KMT2E: variants seen among roughly 807,000 people sequenced by gnomAD.
KMT2E encodes lysine methyltransferase 2E (inactive), also known as histone reader KMT2E.
A neutral mutation model predicts 184.6 loss-of-function variants in KMT2E; 30 were observed. The observed-to-expected ratio is 0.16, with a 90% CI of 0.12 to 0.22. The LOEUF (loss-of-function observed/expected upper bound fraction) is 0.22. Ranked by LOEUF, KMT2E falls within the 10% of genes least tolerant of loss-of-function variation. The pLI is 1.00. For synonymous variants in KMT2E, 815 were observed against 776.5 expected, an observed-to-expected ratio of 1.05 and a Z score of -0.82; for missense variants, 2,023 against 2,237.4, an observed-to-expected ratio of 0.90 and a Z score of 1.93.
intron 13 of KMT2E, among the ~76,000 whole-genome samples, chr7:105,086,850 GTA>G (rs1282250138): frequency 6.9e-6 from 1 of 144,790 alleles, no homozygotes; most frequent in African/African-American, 2.5e-5. Flanking sequence ...AGCATATATA[GTA>G]TATATAATAT....
intron 13 of KMT2E, among the ~76,000 whole-genome samples, chr7:105,085,125 C>A (rs1000839103): frequency 6.7e-6 from 1 of 149,856 alleles, no homozygotes; most frequent in Non-Finnish European, 1.5e-5. Context: ...AAACATGTTT[C>A]CAATATATGT....
chr7:105,014,722 C>T (rs572267571), intron 1 of KMT2E, among the ~76,000 whole-genome samples, 187 bp downstream of exon 1: 2 of 152,176 alleles, frequency 1.3e-5, no homozygotes, highest in East Asian at 3.9e-4. Context: ...CTCCCTGACC[C>T]TAGAAATGGA....
In KMT2E at chr7:105,105,575, C is replaced by G. The variant is rs1177971552; in HGVS notation, c.2333C>G (p.Thr778Ser). The part of the protein sequence containing the change: ...ATQLNSLPGL[T>S]YSPHVYSTPK... Reference sequence around the variant, plus strand: ...CAACTCAATTCTTTACCAGGTCTCACTTACAGCCCCCATGTATACTCCACT... The same window carrying G: ...CAACTCAATTCTTTACCAGGTCTCAGTTACAGCCCCCATGTATACTCCACT... The change falls in exon 18 of 27, where the codon ACT (threonine) becomes AGT (serine). Residue 778 changes from threonine (T) to serine (S), a missense_variant. Coordinates refer to ENST00000311117, the MANE Select transcript of KMT2E (RefSeq NM_182931.3). 1 of 1,614,074 alleles carries G rather than the reference C, an allele frequency of 6.2e-7. No individual in the cohort carries two copies. Among genetic ancestry groups the G allele is most frequent in the Admixed American group, 1.7e-5 (1 of 60,030 alleles).
chr7:105,053,460 T>C (rs1796428687), intron 3 of KMT2E, among the ~76,000 whole-genome samples: 1 of 152,224 alleles, frequency 6.6e-6, no homozygotes, highest in South Asian at 2.1e-4. Flanking sequence ...ATCATATAGT[T>C]ATAAGAATTT....
rs373155738 is a variant in KMT2E at position 105,112,038 on chromosome 7, C to T, written c.4282C>T (p.Leu1428Phe). The change falls in exon 27 of 27, where the codon CTT (leucine) becomes TTT (phenylalanine). Residue 1428 changes from leucine (L) to phenylalanine (F), a missense_variant. By Grantham distance (22) the Leu-to-Phe change is conservative. Coordinates refer to ENST00000311117, the MANE Select transcript of KMT2E (RefSeq NM_182931.3). ...ACACGTTCGTAATTCATCTGAGCAA[C>T]TTTCACAAAAGCTGCCTTCTGTGCC... ...QTHVRNSSEQ[L>F]SQKLPSVPTK... 5 of 1,614,108 alleles carry T rather than the reference C, an allele frequency of 3.1e-6. No homozygotes were observed. In the East Asian group the frequency reaches 8.9e-5, roughly 29 times the overall value.
In KMT2E at chr7:105,113,544, G is replaced by A. The variant is rs1799430667; in HGVS notation, c.*211G>A. 2 of 461,832 alleles carry A rather than the reference G, an allele frequency of 4.3e-6. No homozygotes were observed. The highest frequency in any genetic ancestry group is 8.0e-5 in the Admixed American group (2 of 24,852). 28.6% of individuals were successfully genotyped at this position (461,832 alleles called of 1,614,324 possible). A position where few individuals can be genotyped will look rare whatever the true frequency, so the allele number is the denominator to read the frequency against. On this transcript the variant is annotated 3_prime_UTR_variant, in exon 27 of 27. Transcript: ENST00000311117. ...TATTAGGTATCTTTATTTTGTAAGT[G>A]AACATTCCAGCTGTTTTTTTCTGGC...
chr7:105,069,078 G>A (rs534429779), intron 6 of KMT2E, among the ~76,000 whole-genome samples: 3 of 152,256 alleles, frequency 2.0e-5, no homozygotes, highest in South Asian at 2.1e-4. Flanking sequence ...GTGACAAGAT[G>A]TCTCAGGCTT....
In KMT2E at chr7:105,100,894, T is replaced by A. The variant is rs550209301; in HGVS notation, c.1723-531T>A. On this transcript the variant is annotated intron_variant, in intron 15 of 26. Transcript: ENST00000311117. The stretch of plus-strand genomic sequence containing the variant: ...GGAAAGGATTTTATTACCCACATCT[T>A]ACTGTCTCAGAAAGGTTAACTTGCC... 1.8e-4 allele frequency among the ~76,000 whole-genome samples: 28 copies of A among 152,178 alleles called. No individual in the cohort carries two copies. The East Asian group carries it at 5.4e-3, about 29-fold the overall frequency.
At chr7:105,103,600 C>T (rs146130627) in intron 17 of KMT2E, 1 of 152,090 alleles carries the variant, frequency 6.6e-6, no homozygotes, top group Non-Finnish European at 1.5e-5. Flanking sequence ...GATTCACCCT[C>T]CTGGCAGTCT....
At chr7:105,056,597 C>A (rs1473504768) in intron 3 of KMT2E, among the ~76,000 whole-genome samples, 2 of 152,132 alleles carry the variant, frequency 1.3e-5, no homozygotes, top group African/African-American at 4.8e-5. Context: ...GGTTCTGTCT[C>A]CTCTAGCAAA....
At chr7:105,029,186 C>T (rs891810017) in intron 1 of KMT2E, among the ~76,000 whole-genome samples, 5 of 152,008 alleles carry the variant, frequency 3.3e-5, no homozygotes, top group African/African-American at 1.2e-4. Flanking sequence ...TTGCTTGAAC[C>T]TGGGAGGCAG....
intron 3 of KMT2E, among the ~76,000 whole-genome samples, chr7:105,052,140 C>T (rs551180107): frequency 1.3e-5 from 2 of 152,280 alleles, no homozygotes; most frequent in East Asian, 1.9e-4. Context: ...GACCATAAGG[C>T]CCTCCTTCCC....
chr7:105,071,885 T>C (rs1797336736), intron 6 of KMT2E, among the ~76,000 whole-genome samples: 2 of 152,142 alleles, frequency 1.3e-5, no homozygotes, highest in South Asian at 2.1e-4. Context: ...AGCATAGTTA[T>C]GGTGTGCATT....
chr7:105,036,172 T>A (rs1795646532), intron 1 of KMT2E, among the ~76,000 whole-genome samples: 1 of 146,948 alleles, frequency 6.8e-6, no homozygotes, highest in Admixed American at 6.8e-5. Flanking sequence ...TGTTGTTCTT[T>A]TGGTTTTTTT....
chr7:105,069,515 A>G (rs1262884408), intron 6 of KMT2E, among the ~76,000 whole-genome samples: 4 of 152,208 alleles, frequency 2.6e-5, no homozygotes, highest in Non-Finnish European at 5.9e-5. Context: ...TTTATGGTCA[A>G]TATTGTGTTT....
chr7:105,038,607 C>T (rs979513281), intron 2 of KMT2E: 2 of 152,140 alleles, frequency 1.3e-5, no homozygotes, highest in South Asian at 2.1e-4. Flanking sequence ...ATGATCCACC[C>T]GCCTCGGCCT....
chr7:105,063,257 T>C, intron 4 of KMT2E, 94 bp from the exon 5 acceptor site: 7 of 900,298 alleles, frequency 7.8e-6, no homozygotes, highest in Non-Finnish European at 1.0e-5. Context: ...CTCTTGAGTA[T>C]TGAAATTAAG....
At chr7:105,023,564 C>A (rs148286163) in intron 1 of KMT2E, among the ~76,000 whole-genome samples, 1,590 of 151,528 alleles carry the variant, frequency 0.01, 22 homozygotes, top group African/African-American at 0.037. Flanking sequence ...CCTGCCTCAG[C>A]CTCCCTAGTA....
At chr7:105,080,057 G>A (rs1322342656) in intron 12 of KMT2E, among the ~76,000 whole-genome samples, 1 of 151,628 alleles carries the variant, frequency 6.6e-6, no homozygotes, top group Non-Finnish European at 1.5e-5. Flanking sequence ...ATGTTGTCCA[G>A]ACTGGTCTGG....
Sources: gnomAD v4.1 joint callset for allele counts (sites outside exome capture counted in the v4.1 genomes callset) on GRCh38, gnomAD v4.1.1 for gene constraint, MANE v1.5 for transcripts, NCBI Gene and HGNC (gene_info 2026-07-23, HGNC 2026-07-21) for gene names.